TMEM132B: variants seen among roughly 807,000 people sequenced by gnomAD.
TMEM132B encodes the protein transmembrane protein 132B.
In TMEM132B, 18 loss-of-function variants were observed where a neutral mutation model predicts 90.8. The observed-to-expected ratio is 0.20, with a 90% confidence interval of 0.14 to 0.29. TMEM132B has a LOEUF of 0.29. TMEM132B is among the 10% of genes least tolerant of loss of function. The pLI, the probability that TMEM132B is intolerant of heterozygous loss-of-function variation, is 1.00. For missense variants in TMEM132B, 1,096 were observed against 1,326.8 expected, an observed-to-expected ratio of 0.83 and a Z score of 2.70; for synonymous variants, 504 against 523.3, an observed-to-expected ratio of 0.96 and a Z score of 0.50.
intron 1 of TMEM132B, among the ~76,000 whole-genome samples, chr12:125,201,882 C>T (rs1873071237): frequency 2.0e-5 from 3 of 152,132 alleles, no homozygotes; most frequent in South Asian, 2.1e-4. Context: ...CCCTGGTGGT[C>T]GTCTCTGTGG....
intron 1 of TMEM132B, among the ~76,000 whole-genome samples, chr12:125,238,261 G>C (rs777500656): frequency 1.3e-3 from 196 of 149,994 alleles, no homozygotes; most frequent in Non-Finnish European, 1.7e-3. Flanking sequence ...GCTGAGGCAG[G>C]AGAATGGCGT....
chr12:125,388,795 A>G (rs904675459), intron 2 of TMEM132B, among the ~76,000 whole-genome samples: 1 of 152,176 alleles, frequency 6.6e-6, no homozygotes, highest in East Asian at 1.9e-4. Context: ...CCCAGCAGCT[A>G]TTGCACACAT....
chr12:125,436,318 A>C (rs911240251), intron 3 of TMEM132B, among the ~76,000 whole-genome samples: 1 of 152,144 alleles, frequency 6.6e-6, no homozygotes, highest in African/African-American at 2.4e-5. Context: ...TGCTCAGTCC[A>C]TCTCAGCCTC....
intron 2 of TMEM132B, among the ~76,000 whole-genome samples, chr12:125,371,996 T>C (rs1878306026): frequency 6.6e-6 from 1 of 152,208 alleles, no homozygotes; most frequent in Non-Finnish European, 1.5e-5. Flanking sequence ...AAAAAATCAC[T>C]AAAAACCAGG....
At chr12:125,430,329 C>T (rs938423705) in intron 3 of TMEM132B, among the ~76,000 whole-genome samples, 7 of 152,076 alleles carry the variant, frequency 4.6e-5, no homozygotes, top group African/African-American at 7.2e-5. Context: ...CAGAATTTCA[C>T]GGTAGCTCAT....
At chr12:125,417,216 G>C (rs1052279939) in intron 3 of TMEM132B, among the ~76,000 whole-genome samples, 1 of 152,060 alleles carries the variant, frequency 6.6e-6, no homozygotes, top group Non-Finnish European at 1.5e-5. Flanking sequence ...GACTGGAAGG[G>C]GGAGGCGGGG....
intron 5 of TMEM132B, among the ~76,000 whole-genome samples, chr12:125,604,387 G>C (rs1885639927): frequency 6.8e-6 from 1 of 147,690 alleles, no homozygotes; most frequent in African/African-American, 2.5e-5. Flanking sequence ...ATAAGTGGGA[G>C]TTGAACAGTG....
At chr12:125,551,438 A>G (rs1884225968) in intron 4 of TMEM132B, among the ~76,000 whole-genome samples, 2 of 152,236 alleles carry the variant, frequency 1.3e-5, no homozygotes, top group Admixed American at 6.5e-5. Context: ...GTGGAAATTG[A>G]AGCTAATAAT....
chr12:125,256,147 G>A (rs1874434601), intron 1 of TMEM132B, among the ~76,000 whole-genome samples: 1 of 152,206 alleles, frequency 6.6e-6, no homozygotes, highest in Non-Finnish European at 1.5e-5. Context: ...GCTTCTGCTG[G>A]AAAGAGACAG....
At chr12:125,271,067 C>A (rs756506794) in intron 1 of TMEM132B, among the ~76,000 whole-genome samples, 47 of 152,034 alleles carry the variant, frequency 3.1e-4, no homozygotes, top group Non-Finnish European at 3.8e-4. Flanking sequence ...CCTCCCACCT[C>A]ACCCTCCTGA....
chr12:125,541,290 G>C (rs941879066), intron 4 of TMEM132B, among the ~76,000 whole-genome samples: 1 of 152,202 alleles, frequency 6.6e-6, no homozygotes, highest in African/African-American at 2.4e-5. Context: ...CAGGAAACTT[G>C]AGTTTCAGAA....
chr12:125,209,518 G>A lies in TMEM132B; in HGVS notation c.67+22652G>A, dbSNP rs1462591632. 6.6e-6 allele frequency among the ~76,000 whole-genome samples: 1 copy of A among 152,216 alleles called. No individual in the cohort carries two copies. Among genetic ancestry groups the A allele is most frequent in the Admixed American group, 6.5e-5 (1 of 15,286 alleles). ...TCAGCCCTGCTTTGCTTGAGGGACT[G>A]ACGGCAGGGACCCTGCCACCCCGTT... On this transcript the variant is annotated intron_variant, in intron 1 of 8. Transcript: ENST00000682704. The surrounding 1 kb of genome is among the most constrained non-coding windows in gnomAD (Gnocchi z 4.4).
At chr12:125,570,205 C>T (rs1884758928) in intron 4 of TMEM132B, among the ~76,000 whole-genome samples, 1 of 152,170 alleles carries the variant, frequency 6.6e-6, no homozygotes, top group African/African-American at 2.4e-5. Context: ...GTTTCCATTT[C>T]TTGTAGAACC....
rs75000674 is a variant in TMEM132B, at chr12:125,404,198, A to G, written c.960-11333A>G. On this transcript the variant is annotated intron_variant, in intron 2 of 8. Transcript: ENST00000682704. ...ACCAGAACTGGATTTTTAAAAATCA[A>G]TTGCAACTGCTATGACATGTCCAGA... is the stretch of plus-strand genomic sequence containing the variant. 4.6e-3 allele frequency among the ~76,000 whole-genome samples: 696 copies of G among 152,296 alleles called. 2 individuals are homozygous for G. The highest frequency in any genetic ancestry group is 8.1e-3 in the Non-Finnish European group (548 of 68,022).
chr12:125,511,391 C>T (rs984560446), intron 3 of TMEM132B, among the ~76,000 whole-genome samples: 1 of 152,122 alleles, frequency 6.6e-6, no homozygotes, highest in Non-Finnish European at 1.5e-5. Flanking sequence ...GCATTGTAGT[C>T]GGTTCCAGGA....
chr12:125,356,138 C>G (rs1217985204), intron 2 of TMEM132B, among the ~76,000 whole-genome samples: 1 of 152,076 alleles, frequency 6.6e-6, no homozygotes, highest in Non-Finnish European at 1.5e-5. Context: ...TCCTGGGAAG[C>G]TTTATCTCTG....
At chr12:125,337,884 C>T (rs576595228) in intron 1 of TMEM132B, among the ~76,000 whole-genome samples, 1 of 152,312 alleles carries the variant, frequency 6.6e-6, no homozygotes, top group Non-Finnish European at 1.5e-5. Context: ...CCTTGATCTC[C>T]TTCCCCAAAG....
intron 4 of TMEM132B, among the ~76,000 whole-genome samples, chr12:125,521,291 C>A (rs1883300166): frequency 1.3e-5 from 2 of 152,142 alleles, no homozygotes; most frequent in Non-Finnish European, 2.9e-5. Flanking sequence ...TTCTCCTTCT[C>A]CTTCTTCTCC....
chr12:125,432,233 C>T (rs915283101), intron 3 of TMEM132B, among the ~76,000 whole-genome samples: 4 of 151,494 alleles, frequency 2.6e-5, no homozygotes, highest in African/African-American at 9.7e-5. Context: ...CTCTGGCATT[C>T]AGTCAGGTGC....
Sources: allele counts gnomAD v4.1 joint callset (sites outside exome capture counted in the v4.1 genomes callset), GRCh38; gene constraint gnomAD v4.1.1; non-coding constraint Gnocchi (gnomAD v3.1); transcripts MANE v1.5; gene names NCBI Gene and HGNC (gene_info 2026-07-23, HGNC 2026-07-21).